The following PRKAR2B variants were observed in gnomAD, a reference collection of about 807,000 sequenced individuals.
PRKAR2B encodes cAMP-dependent protein kinase type II-beta regulatory subunit.
In PRKAR2B, 14 loss-of-function variants were observed where a neutral mutation model predicts 49.9. That is an observed-to-expected ratio of 0.28 (90% CI 0.19 to 0.44). The LOEUF (loss-of-function observed/expected upper bound fraction) is 0.44, where lower values mean the gene tolerates loss of function less well. PRKAR2B is among the 20% of genes least tolerant of loss of function. PRKAR2B has a pLI of 1.00. For missense variants in PRKAR2B, 393 were observed against 537.9 expected, an observed-to-expected ratio of 0.73 and a Z score of 2.67; for synonymous variants, 196 against 197.7, an observed-to-expected ratio of 0.99 and a Z score of 0.07.
chr7:107,105,621 A>G (rs1431107989), intron 2 of PRKAR2B, among the ~76,000 whole-genome samples: 1 of 152,156 alleles, frequency 6.6e-6, no homozygotes, highest in Non-Finnish European at 1.5e-5. Context: ...TGGAGATGGT[A>G]AGGTGTCATT....
At chr7:107,061,912 C>T (rs539686430) in intron 1 of PRKAR2B, among the ~76,000 whole-genome samples, 41 of 152,136 alleles carry the variant, frequency 2.7e-4, no homozygotes, top group African/African-American at 9.4e-4. Context: ...AAAAAGAAGA[C>T]ATAAGAATGG....
chr7:107,055,734 T>C (rs558490182), intron 1 of PRKAR2B, among the ~76,000 whole-genome samples: 1 of 152,328 alleles, frequency 6.6e-6, no homozygotes, highest in African/African-American at 2.4e-5. Context: ...GATGAGTAGA[T>C]TGCAAAAATT....
chr7:107,070,348 T>G (rs765365068), intron 2 of PRKAR2B, 32 bp downstream of exon 2: 1 of 1,555,848 alleles, frequency 6.4e-7, no homozygotes, highest in Non-Finnish European at 8.8e-7. Flanking sequence ...ATTTTGTTTA[T>G]TAATGGTGAC....
chr7:107,081,288 A>G (rs1794509769), intron 2 of PRKAR2B, among the ~76,000 whole-genome samples: 1 of 152,194 alleles, frequency 6.6e-6, no homozygotes, highest in South Asian at 2.1e-4. Context: ...CAGAAAAGCA[A>G]CCTCAGTCCC....
chr7:107,118,646 G>C (rs1488954661), intron 2 of PRKAR2B, among the ~76,000 whole-genome samples: 1 of 152,130 alleles, frequency 6.6e-6, no homozygotes, highest in African/African-American at 2.4e-5. Context: ...ACTGTATTGC[G>C]AGAGTGCAAA....
chr7:107,072,028 C>T (rs1368902674), intron 2 of PRKAR2B, among the ~76,000 whole-genome samples: 16 of 150,560 alleles, frequency 1.1e-4, no homozygotes, highest in African/African-American at 3.4e-4. Flanking sequence ...AAGATTGCAC[C>T]ACTGCACTCC....
At chr7:107,128,541 A>T (rs1795541328) in intron 4 of PRKAR2B, among the ~76,000 whole-genome samples, 1 of 152,096 alleles carries the variant, frequency 6.6e-6, no homozygotes, top group Non-Finnish European at 1.5e-5. Flanking sequence ...CCTGTGGAAG[A>T]TATTCTCTCA....
chr7:107,140,916 C>T lies in PRKAR2B; in HGVS notation c.550C>T (p.Gln184Ter). 3 of 1,612,986 alleles carry T rather than the reference C, an allele frequency of 1.9e-6. No homozygotes were observed. Among genetic ancestry groups the T allele is most frequent in the Non-Finnish European group, 2.5e-6 (3 of 1,179,388 alleles). ...LVKDGEHVID[Q>*]GDDGDNFYVI... ...CAAAGATGGGGAGCATGTAATTGAT[C>T]AAGGTGACGATGGTGACAACTTTTA... Residue 184 changes from glutamine to a stop codon, truncating the protein, a stop_gained, in exon 5 of 11, where the codon CAA (glutamine) becomes TAA (stop). Coordinates refer to ENST00000265717, the MANE Select transcript of PRKAR2B (RefSeq NM_002736.3). LOFTEE classifies it high-confidence loss of function.
chr7:107,116,837 C>T (rs1396225667), intron 2 of PRKAR2B, among the ~76,000 whole-genome samples: 1 of 149,926 alleles, frequency 6.7e-6, no homozygotes, highest in Non-Finnish European at 1.5e-5. Context: ...TGTCATTGTG[C>T]CTCTTCCCTT....
In PRKAR2B at chr7:107,044,869, C is replaced by T; in HGVS notation, c.-39C>T. 2 of 1,537,464 alleles carry T rather than the reference C, an allele frequency of 1.3e-6. No individual in the cohort carries two copies. The highest frequency in any genetic ancestry group is 2.4e-5 in the South Asian group (2 of 83,340). Reference sequence around the variant, plus strand: ...GCCCTAGGCCGTGCCGGGGAGGGGGCGAGGGCGGCGCCCAGGCGCCTGCCG... The same window carrying T: ...GCCCTAGGCCGTGCCGGGGAGGGGGTGAGGGCGGCGCCCAGGCGCCTGCCG... On this transcript the variant is annotated 5_prime_UTR_variant, in exon 1 of 11. Coordinates refer to ENST00000265717, the MANE Select transcript of PRKAR2B (RefSeq NM_002736.3).
At chr7:107,045,420 C>T (rs1242953096) in intron 1 of PRKAR2B, among the ~76,000 whole-genome samples, 1 of 152,206 alleles carries the variant, frequency 6.6e-6, no homozygotes, top group Non-Finnish European at 1.5e-5. Context: ...CTCTGTCATA[C>T]CCTCTTCCCT....
At chr7:107,050,105 G>T (rs1471957308) in intron 1 of PRKAR2B, among the ~76,000 whole-genome samples, 1 of 152,016 alleles carries the variant, frequency 6.6e-6, no homozygotes, top group East Asian at 1.9e-4. Context: ...TATTACTTTG[G>T]GCTTTGGAAG....
At chr7:107,126,044 C>T (rs1795476795) in intron 3 of PRKAR2B, among the ~76,000 whole-genome samples, 1 of 136,370 alleles carries the variant, frequency 7.3e-6, no homozygotes, top group Admixed American at 7.6e-5. Flanking sequence ...CCGAGTGCAC[C>T]ACCACTGCAC....
At position 107,160,123 on chromosome 7, in the gene PRKAR2B, C is replaced by G. The variant is rs1347989239; in HGVS notation, c.*541C>G. Reference sequence around the variant, plus strand: ...CTATTGGTGAAATGGTATAAAATATCATATGCAGTTTTAAAACTTTTTATA... The same window carrying G: ...CTATTGGTGAAATGGTATAAAATATGATATGCAGTTTTAAAACTTTTTATA... On this transcript the variant is annotated 3_prime_UTR_variant, in exon 11 of 11. Transcript: ENST00000265717. 6.6e-6 allele frequency: 1 copy of G among 152,612 alleles called. No homozygotes were observed. The highest frequency in any genetic ancestry group is 2.4e-5 in the African/African-American group (1 of 41,434). The allele number at this position is 152,612 out of a possible 1,614,324, so 9.5% of individuals were successfully genotyped here. A position where few individuals can be genotyped will look rare whatever the true frequency, so the allele number is the denominator to read the frequency against.
chr7:107,124,814 AT>A (rs1445499916), intron 3 of PRKAR2B, among the ~76,000 whole-genome samples: 2 of 152,118 alleles, frequency 1.3e-5, no homozygotes, highest in African/African-American at 4.8e-5. Flanking sequence ...GGCAGCAGAA[AT>A]TTAGAGCAGA....
intron 3 of PRKAR2B, among the ~76,000 whole-genome samples, chr7:107,123,448 G>A (rs1406022125): frequency 2.6e-5 from 4 of 152,200 alleles, no homozygotes; most frequent in African/African-American, 9.7e-5. Context: ...GAGATTATCA[G>A]ACAAATGCTT....
At chr7:107,061,836 G>A (rs528328716) in intron 1 of PRKAR2B, among the ~76,000 whole-genome samples, 14 of 152,152 alleles carry the variant, frequency 9.2e-5, no homozygotes, top group Non-Finnish European at 1.9e-4. Flanking sequence ...GGCGAAGGTT[G>A]CAGTGAACCA....
At position 107,127,807 on chromosome 7, in the gene PRKAR2B, A is replaced by G. The variant is rs1204470083; in HGVS notation, c.397-405A>G. ...TGAAAGAGTATTAAACTCAGTAGAAACAGAATGACAGCAGTCCAAATTTTC... is the reference window on the plus strand; with the variant it reads ...TGAAAGAGTATTAAACTCAGTAGAAGCAGAATGACAGCAGTCCAAATTTTC... On this transcript the variant is annotated intron_variant, in intron 3 of 10. Transcript: ENST00000265717. Among the ~76,000 whole-genome samples the G allele has an allele frequency of 2.0e-5, 3 of 152,358 alleles. No individual in the cohort carries two copies. The East Asian group carries it at 5.8e-4, about 29-fold the overall frequency.
chr7:107,071,951 C>T (rs1476935900), intron 2 of PRKAR2B, among the ~76,000 whole-genome samples: 6 of 151,896 alleles, frequency 4.0e-5, no homozygotes, highest in South Asian at 2.1e-4. Context: ...CACCTGTAGT[C>T]CCAGCTACTC....
Sources: gnomAD v4.1 joint callset for allele counts (sites outside exome capture counted in the v4.1 genomes callset) on GRCh38, gnomAD v4.1.1 for gene constraint, MANE v1.5 for transcripts, NCBI Gene and HGNC (gene_info 2026-07-23, HGNC 2026-07-21) for gene names.